The following KIF19 variants were observed in gnomAD, a reference collection of about 807,000 sequenced individuals.
KIF19 encodes the protein kinesin-like protein KIF19.
A neutral mutation model predicts 106.6 loss-of-function variants in KIF19; 98 were observed. The observed-to-expected ratio is 0.92, with a 90% CI of 0.78 to 1.09. KIF19 has a LOEUF of 1.09. Ranked by LOEUF, KIF19 falls within the 50% of genes least tolerant of loss-of-function variation. The pLI, the probability that KIF19 is intolerant of heterozygous loss-of-function variation, is 0.00. For synonymous variants in KIF19, 516 were observed against 584.2 expected (o/e 0.88, Z 1.68); for missense variants, 1,373 against 1,414.3 (o/e 0.97, Z 0.47).
intron 2 of KIF19, among the ~76,000 whole-genome samples, chr17:74,339,189 A>G (rs1010773): frequency 0.33 from 50,063 of 151,554 alleles, 10,724 homozygotes; most frequent in Non-Finnish European, 0.47. Flanking sequence ...TACCTGCCCC[A>G]CCCCACAAGG....
At chr17:74,353,652 A>G (rs1274033202) in intron 17 of KIF19, 71 bp downstream of exon 17, 1 of 1,282,456 alleles carries the variant, frequency 7.8e-7, no homozygotes, top group Non-Finnish European at 1.1e-6. Flanking sequence ...CCCAGCTCAA[A>G]GCCCTTTCCT....
chr17:74,338,916 CT>C (rs1369235243), intron 2 of KIF19, among the ~76,000 whole-genome samples: 1 of 151,928 alleles, frequency 6.6e-6, no homozygotes, highest in African/African-American at 2.4e-5. Flanking sequence ...CATGCCTTGT[CT>C]GTTCCCAAGC....
At chr17:74,332,687 G>A (rs1171888540) in intron 2 of KIF19, among the ~76,000 whole-genome samples, 1 of 152,348 alleles carries the variant, frequency 6.6e-6, no homozygotes, top group Admixed American at 6.5e-5. Context: ...GGAAAGGAAA[G>A]AGGAGCGAAG....
At chr17:74,337,552 G>A (rs2054253061) in intron 2 of KIF19, among the ~76,000 whole-genome samples, 1 of 152,162 alleles carries the variant, frequency 6.6e-6, no homozygotes, top group Non-Finnish European at 1.5e-5. Context: ...TCTTTGCCTT[G>A]CTCATGTAAT....
At position 74,355,235 on chromosome 17, in the gene KIF19, C is replaced by T. The variant is rs200210425; in HGVS notation, c.2920C>T (p.Arg974Ter). 5.8e-5 allele frequency: 93 copies of T among 1,612,748 alleles called. 1 individual carries two copies. In the South Asian group the frequency reaches 7.4e-4, roughly 13 times the overall value. ...AVPPNPGGGS[R>*]RATRGPRLPH... is the part of the protein sequence containing the mutation. ...TCCCCCCAACCCAGGTGGTGGTTCTCGACGGGCTACCCGTGGGCCCCGCCT... is the reference window on the plus strand; with the variant it reads ...TCCCCCCAACCCAGGTGGTGGTTCTTGACGGGCTACCCGTGGGCCCCGCCT... The change falls in exon 20 of 20, where the codon CGA (arginine) becomes TGA (stop). Residue 974 changes from arginine to a stop codon, truncating the protein, a stop_gained. Coordinates refer to ENST00000389916, the MANE Select transcript of KIF19 (RefSeq NM_153209.4). LOFTEE classifies it low-confidence loss of function (END_TRUNC).
intron 2 of KIF19, among the ~76,000 whole-genome samples, chr17:74,339,243 T>C (rs2054293756): frequency 6.6e-6 from 1 of 151,724 alleles, no homozygotes. Context: ...TGAGAGGCAG[T>C]TTAGAAGGGT....
At position 74,344,939 on chromosome 17, in the gene KIF19, CAG is replaced by C. The variant is rs1384612134; in HGVS notation, c.764_765del (p.Glu255AlafsTer37). ...CTGTTCATGATCGACCTGGCTGGCT[CAG>C]AGCGCGCCTCGCAGGTGAGGCTGGG... On this transcript the variant is annotated frameshift_variant, in exon 7 of 20. Coordinates refer to ENST00000389916, the MANE Select transcript of KIF19 (RefSeq NM_153209.4). LOFTEE classifies it high-confidence loss of function. 1 of 1,606,098 alleles carries C rather than the reference CAG, an allele frequency of 6.2e-7. No individual in the cohort carries two copies.
In KIF19 at chr17:74,343,030, G is replaced by C. The variant is rs779047979; in HGVS notation, c.326G>C (p.Gly109Ala). 1 of 1,606,460 alleles carries C rather than the reference G, an allele frequency of 6.2e-7. No homozygotes were observed. The highest frequency in any genetic ancestry group is 1.1e-5 in the South Asian group (1 of 89,744). The change falls in exon 5 of 20, where the codon GGG becomes GCG. Residue 109 changes from glycine to alanine, a missense_variant. Physicochemically the swap from Gly to Ala is moderately conservative, Grantham distance 60 (BLOSUM62 0). Transcript: ENST00000389916. ...TVFAYGPTGC[G>A]KTYTMLGTDQ... ...CCACCTTGTTCTGCCCCAGGCTGTG[G>C]GAAAACCTACACCATGCTGGGCACA...
chr17:74,349,226 T>C lies in KIF19; in HGVS notation c.1090T>C (p.Tyr364His), dbSNP rs2054619041. The C allele has an allele frequency of 4.3e-6, 7 of 1,613,800 alleles. No individual in the cohort carries two copies. The highest frequency in any genetic ancestry group is 1.7e-4 in the Middle Eastern group (1 of 6,060). Residue 364 changes from tyrosine (Y) to histidine (H), a missense_variant, in exon 10 of 20, where the codon TAC (tyrosine) becomes CAC (histidine). Physicochemically the swap from Tyr to His is moderately conservative, Grantham distance 83. Coordinates refer to ENST00000389916, the MANE Select transcript of KIF19 (RefSeq NM_153209.4). ...LLNVSYHIAQ[Y>H]TSIIADLRGE... ...GAACGTCTCCTACCACATCGCCCAG[T>C]ACACCAGCATCATCGCTGACCTGCG...
chr17:74,349,004 G>T, intron 9 of KIF19, 180 bp from the exon 10 acceptor site: 1 of 617,576 alleles, frequency 1.6e-6, no homozygotes. Flanking sequence ...GGAAGCCACT[G>T]AAGGTTGATG....
intron 1 of KIF19, among the ~76,000 whole-genome samples, chr17:74,326,821 G>C (rs569385231): frequency 6.6e-6 from 1 of 152,322 alleles, no homozygotes; most frequent in East Asian, 1.9e-4. Context: ...GGGGTCACCA[G>C]TAGGAAGACA....
Position 74,345,798 on chromosome 17 carries a change from C to T in KIF19, c.778-580C>T, listed in dbSNP as rs576002498. ...CCTTCCAGTAAAGCCTGGGGGGCTT[C>T]CTGGAAGGCACACAGGGGAGAGGCC... On this transcript the variant is annotated intron_variant, in intron 7 of 19. Transcript: ENST00000389916. Among the ~76,000 whole-genome samples, 8 of 152,202 alleles carry T rather than the reference C, an allele frequency of 5.3e-5. No homozygotes were observed. In the East Asian group the frequency reaches 1.4e-3, roughly 26 times the overall value.
intron 14 of KIF19, 61 bp downstream of exon 14, chr17:74,352,401 C>G: frequency 1.3e-6 from 2 of 1,537,780 alleles, no homozygotes; most frequent in Non-Finnish European, 1.7e-6. Context: ...GGCTGATGAC[C>G]AAGGCAATGC....
At chr17:74,355,122 T>C in intron 19 of KIF19, 60 bp from the exon 20 acceptor site, 1 of 1,553,434 alleles carries the variant, frequency 6.4e-7, no homozygotes, top group Non-Finnish European at 8.7e-7. Context: ...CACTGGGTGA[T>C]GGGAGAGGAG....
rs73364530 is a variant in KIF19, at chr17:74,343,387, G to A, written c.456+227G>A. On this transcript the variant is annotated intron_variant, in intron 5 of 19. Transcript: ENST00000389916. ...CAGGACCCTGCAGCTTCAAGGCCAAGCTCCGCCCTGTGCCACGCTCACCAC... is the reference window on the plus strand; with the variant it reads ...CAGGACCCTGCAGCTTCAAGGCCAAACTCCGCCCTGTGCCACGCTCACCAC... Among the ~76,000 whole-genome samples the A allele has an allele frequency of 9.3e-3, 1,417 of 152,258 alleles. 19 individuals carry two copies. Among genetic ancestry groups the A allele is most frequent in the African/African-American group, 0.033 (1,355 of 41,542 alleles).
chr17:74,326,999 G>A (rs2053932737), intron 1 of KIF19, among the ~76,000 whole-genome samples: 2 of 152,176 alleles, frequency 1.3e-5, no homozygotes, highest in African/African-American at 2.4e-5. Flanking sequence ...AGTGGGGGCT[G>A]TGGAGGGGAA....
intron 9 of KIF19, 95 bp from the exon 10 acceptor site, chr17:74,349,089 G>C (rs1449820881): frequency 3.1e-6 from 4 of 1,285,724 alleles, no homozygotes; most frequent in Non-Finnish European, 3.3e-6. Context: ...CAGAAAGACT[G>C]GGGGAGGCAG....
At chr17:74,328,310 C>A in intron 1 of KIF19, 115 bp from the exon 2 acceptor site, 1 of 878,846 alleles carries the variant, frequency 1.1e-6, no homozygotes, top group Non-Finnish European at 1.8e-6. Flanking sequence ...TTACTTAGGA[C>A]AAGGGAGGCC....
intron 2 of KIF19, among the ~76,000 whole-genome samples, chr17:74,335,337 G>C (rs967582217): frequency 6.6e-6 from 1 of 152,244 alleles, no homozygotes; most frequent in African/African-American, 2.4e-5. Context: ...GCATTTGGAG[G>C]CCAGAAAGAA....
Sources: gnomAD v4.1 joint callset for allele counts (sites outside exome capture counted in the v4.1 genomes callset) on GRCh38, gnomAD v4.1.1 for gene constraint, MANE v1.5 for transcripts, NCBI Gene and HGNC (gene_info 2026-07-23, HGNC 2026-07-21) for gene names.